ELAVL2: variants seen among roughly 807,000 people sequenced by gnomAD.
The protein encoded by ELAVL2 is ELAV-like protein 2.
Under a neutral mutation model 34.6 loss-of-function variants are expected in ELAVL2, and 4 were observed. The ratio of observed to expected loss-of-function variants is 0.12; its 90% confidence interval spans 0.06 to 0.26. The LOEUF (loss-of-function observed/expected upper bound fraction) is 0.26, where lower values mean the gene tolerates loss of function less well. Ranked by LOEUF, ELAVL2 falls within the 10% of genes least tolerant of loss-of-function variation. ELAVL2 has a pLI of 1.00. For synonymous variants in ELAVL2, 193 were observed against 154.8 expected (o/e 1.25, Z -1.83); for missense variants, 432 against 442.8 (o/e 0.98, Z 0.22).
chr9:23,832,486 A>G, the ELAVL2 span, among the ~76,000 whole-genome samples: 1 of 152,204 alleles, frequency 6.6e-6, no homozygotes. Context: ...CAAATATTTA[A>G]TATATGTAAT....
intron 1 of ELAVL2, among the ~76,000 whole-genome samples, chr9:23,777,253 G>T (rs760260907): frequency 2.6e-5 from 4 of 152,252 alleles, no homozygotes; most frequent in Non-Finnish European, 4.4e-5. Flanking sequence ...TCTGAGATGG[G>T]TATGAACAAA....
At chr9:23,766,551 A>C (rs1191402770) in intron 1 of ELAVL2, among the ~76,000 whole-genome samples, 2 of 133,830 alleles carry the variant, frequency 1.5e-5, no homozygotes, top group Non-Finnish European at 3.3e-5. Flanking sequence ...CTAATGAGCT[A>C]ATCTATTGAC....
At chr9:23,705,534 CT>C (rs2039029788) in intron 3 of ELAVL2, among the ~76,000 whole-genome samples, 1 of 152,234 alleles carries the variant, frequency 6.6e-6, no homozygotes, top group Admixed American at 6.5e-5. Flanking sequence ...CAATAATAGG[CT>C]GTCTTCTGTG....
chr9:23,815,302 A>G (rs1344687700), intron 1 of ELAVL2, among the ~76,000 whole-genome samples: 2 of 152,156 alleles, frequency 1.3e-5, no homozygotes, highest in Admixed American at 6.5e-5. Context: ...CATTATTTAT[A>G]TTTTCAAGGA....
At chr9:23,780,132 C>T (rs935986661) in intron 1 of ELAVL2, among the ~76,000 whole-genome samples, 1 of 150,554 alleles carries the variant, frequency 6.6e-6, no homozygotes, top group Non-Finnish European at 1.5e-5. Flanking sequence ...TCACACATAA[C>T]TTAGGTTGAT....
At position 23,692,413 on chromosome 9, in the gene ELAVL2, C is replaced by G. The variant is rs1405999908; in HGVS notation, c.*144G>C. 3 of 820,150 alleles carry G rather than the reference C, an allele frequency of 3.7e-6. No individual in the cohort carries two copies. The highest frequency in any genetic ancestry group is 5.5e-6 in the Non-Finnish European group (3 of 541,522). The allele number at this position is 820,150 out of a possible 1,614,324, so 50.8% of individuals were successfully genotyped here. On this transcript the variant is annotated 3_prime_UTR_variant, in exon 7 of 7. Coordinates refer to ENST00000397312, the MANE Select transcript of ELAVL2 (RefSeq NM_004432.5). ...TTCAAATACTAGCAATAAAAAATCT[C>G]ACATATTTCTTAGGATGCTAAGTAG...
rs1354537392 is a variant in ELAVL2, at chr9:23,690,443, A to C, written c.*2114T>G. On this transcript the variant is annotated 3_prime_UTR_variant, in exon 7 of 7. Transcript: ENST00000397312. Reference sequence around the variant, plus strand: ...AGTATATACATGTATTTTATTTTTTAGTGTTTTTCTTTTTTTAAACGCAGA... The same window carrying C: ...AGTATATACATGTATTTTATTTTTTCGTGTTTTTCTTTTTTTAAACGCAGA... 12 of 152,178 alleles carry C rather than the reference A, an allele frequency of 7.9e-5. No homozygotes were observed. The Admixed American group carries it at 7.9e-4, about 10-fold the overall frequency. 9.4% of individuals were successfully genotyped at this position (152,178 alleles called of 1,614,324 possible).
At chr9:23,693,815 T>C (rs2034119586) in intron 5 of ELAVL2, among the ~76,000 whole-genome samples, 1 of 152,180 alleles carries the variant, frequency 6.6e-6, no homozygotes, top group Non-Finnish European at 1.5e-5. Context: ...GATCAATGTA[T>C]AGCTACATGT....
At chr9:23,793,627 T>C (rs573511911) in intron 1 of ELAVL2, among the ~76,000 whole-genome samples, 11 of 152,296 alleles carry the variant, frequency 7.2e-5, no homozygotes, top group Non-Finnish European at 1.2e-4. Context: ...AACACTCTCT[T>C]TATGAGAGCC....
At chr9:23,704,778 C>T in intron 4 of ELAVL2, 140 bp downstream of exon 4, 1 of 1,062,870 alleles carries the variant, frequency 9.4e-7, no homozygotes, top group East Asian at 2.4e-5. Flanking sequence ...ATGAACAATT[C>T]CAGCAGAAAA....
intron 1 of ELAVL2, among the ~76,000 whole-genome samples, chr9:23,792,922 C>A (rs1391762919): frequency 2.0e-5 from 3 of 152,100 alleles, no homozygotes; most frequent in Admixed American, 6.6e-5. Context: ...AGGCATGCAT[C>A]ACCACACCCA....
At chr9:23,822,642 T>C (rs2064977212) in intron 1 of ELAVL2, among the ~76,000 whole-genome samples, 1 of 152,220 alleles carries the variant, frequency 6.6e-6, no homozygotes, top group Non-Finnish European at 1.5e-5. Flanking sequence ...GGAGCACGTT[T>C]TTACACCTGC....
intron 5 of ELAVL2, among the ~76,000 whole-genome samples, chr9:23,696,393 A>AAAC (rs1188778142): frequency 6.6e-6 from 1 of 152,228 alleles, no homozygotes; most frequent in Non-Finnish European, 1.5e-5. Flanking sequence ...GCAGCAGCTC[A>AAAC]AACACAAGGA....
At chr9:23,706,039 T>A (rs1157197715) in intron 3 of ELAVL2, among the ~76,000 whole-genome samples, 1 of 152,202 alleles carries the variant, frequency 6.6e-6, no homozygotes, top group East Asian at 1.9e-4. Context: ...GTCCATAAAT[T>A]CCCAGAAATT....
upstream of ELAVL2, among the ~76,000 whole-genome samples, chr9:23,831,253 C>G (rs1380854296): frequency 1.3e-5 from 2 of 152,182 alleles, no homozygotes; most frequent in African/African-American, 2.4e-5. Context: ...ACCAGTCAAT[C>G]AGAGCCATCC....
At chr9:23,721,743 G>A (rs1188016465) in intron 3 of ELAVL2, among the ~76,000 whole-genome samples, 1 of 152,178 alleles carries the variant, frequency 6.6e-6, no homozygotes, top group Non-Finnish European at 1.5e-5. Context: ...GGATCCTTAT[G>A]ATGATCCACT....
chr9:23,711,119 A>G (rs1449655407), intron 3 of ELAVL2, among the ~76,000 whole-genome samples: 3 of 152,236 alleles, frequency 2.0e-5, no homozygotes, highest in Non-Finnish European at 4.4e-5. Flanking sequence ...GCCTAAGATA[A>G]CAATAAGAAA....
rs561862267 is a variant in ELAVL2 at position 23,808,943 on chromosome 9, G to A, written c.-16+16863C>T. Among the ~76,000 whole-genome samples the A allele has an allele frequency of 5.0e-4, 76 of 152,188 alleles. 1 individual carries two copies. The highest frequency in any genetic ancestry group is 4.1e-3 in the South Asian group (20 of 4,824). On this transcript the variant is annotated intron_variant, in intron 1 of 6. Transcript: ENST00000397312. ...AAGCATTTTACCCAACAAAATCTCTGGTAGTCTTCGCCAAATTTAAGGAAA... is the reference window on the plus strand; with the variant it reads ...AAGCATTTTACCCAACAAAATCTCTAGTAGTCTTCGCCAAATTTAAGGAAA...
intron 1 of ELAVL2, among the ~76,000 whole-genome samples, chr9:23,816,975 G>C (rs1410712724): frequency 2.0e-5 from 3 of 151,828 alleles, no homozygotes; most frequent in African/African-American, 4.8e-5. Context: ...AAATATACAG[G>C]TACATCAAAC....
Sources: allele counts gnomAD v4.1 joint callset (sites outside exome capture counted in the v4.1 genomes callset), GRCh38; gene constraint gnomAD v4.1.1; transcripts MANE v1.5; gene names NCBI Gene and HGNC (gene_info 2026-07-23, HGNC 2026-07-21).